AKT3: variants seen among roughly 807,000 people sequenced by gnomAD.
AKT3 encodes RAC-gamma serine/threonine-protein kinase.
AKT3 carries 15 observed loss-of-function variants against 65.3 expected under a neutral mutation model. The observed-to-expected ratio is 0.23, with a 90% CI of 0.15 to 0.35. The LOEUF (loss-of-function observed/expected upper bound fraction) is 0.35. Ranked by LOEUF, AKT3 falls within the 10% of genes least tolerant of loss-of-function variation. The pLI is 1.00. For synonymous variants in AKT3, 206 were observed against 183.8 expected, an observed-to-expected ratio of 1.12 and a Z score of -0.98; for missense variants, 243 against 576.5, an observed-to-expected ratio of 0.42 and a Z score of 5.92.
intron 8 of AKT3, among the ~76,000 whole-genome samples, chr1:243,582,139 A>G (rs1355533358): frequency 6.6e-6 from 1 of 152,104 alleles, no homozygotes; most frequent in Non-Finnish European, 1.5e-5. Flanking sequence ...CTGAGAGAGA[A>G]GAAGAAAAAG....
In AKT3 at chr1:243,692,816, TTG is replaced by T. The variant is rs574913399; in HGVS notation, c.172+2773_172+2774del. 8.5e-5 allele frequency among the ~76,000 whole-genome samples: 13 copies of T among 152,244 alleles called. 1 individual carries two copies. The South Asian group carries it at 2.7e-3, about 32-fold the overall frequency. On this transcript the variant is annotated intron_variant, in intron 3 of 13. Coordinates refer to ENST00000673466, the MANE Select transcript of AKT3 (RefSeq NM_005465.7). ...CACATAAAAGTTTTATTACTTAAATTTGTGTGTTTTTCTCTTGTTAATCTTCC... is the reference window on the plus strand; with the variant it reads ...CACATAAAAGTTTTATTACTTAAATTTGTGTTTTTCTCTTGTTAATCTTCC...
At chr1:243,546,643 A>G (rs748647480) in intron 11 of AKT3, 3 of 151,992 alleles carry the variant, frequency 2.0e-5, no homozygotes, top group Non-Finnish European at 2.9e-5. Context: ...AGATGCTCAG[A>G]GCAGAGCAGC....
At chr1:243,564,376 G>T (rs759832269) in intron 9 of AKT3, among the ~76,000 whole-genome samples, 1 of 151,962 alleles carries the variant, frequency 6.6e-6, no homozygotes, top group Non-Finnish European at 1.5e-5. Context: ...TTGTAATAAA[G>T]AAATACCAAC....
chr1:243,838,901 T>G (rs1695064311), intron 2 of AKT3, among the ~76,000 whole-genome samples: 1 of 152,156 alleles, frequency 6.6e-6, no homozygotes, highest in South Asian at 2.1e-4. Flanking sequence ...TGTTAGATAC[T>G]AATACAAAAA....
chr1:243,773,628 C>T (rs1690345909), intron 2 of AKT3, among the ~76,000 whole-genome samples: 1 of 151,702 alleles, frequency 6.6e-6, no homozygotes, highest in African/African-American at 2.4e-5. Flanking sequence ...CCATCGCCCC[C>T]CACAAAAAAA....
intron 8 of AKT3, among the ~76,000 whole-genome samples, chr1:243,608,980 C>T: frequency 6.6e-6 from 1 of 151,786 alleles, no homozygotes; most frequent in East Asian, 1.9e-4. Flanking sequence ...TCTCGAACTC[C>T]TGACCTCGTG....
At chr1:243,573,798 T>C (rs1189611334) in intron 8 of AKT3, among the ~76,000 whole-genome samples, 1 of 152,152 alleles carries the variant, frequency 6.6e-6, no homozygotes, top group African/African-American at 2.4e-5. Flanking sequence ...CATATACCAT[T>C]CGATAGTCAA....
At chr1:243,565,997 CA>C (rs1674129999) in intron 9 of AKT3, among the ~76,000 whole-genome samples, 1 of 152,076 alleles carries the variant, frequency 6.6e-6, no homozygotes, top group Non-Finnish European at 1.5e-5. Flanking sequence ...GTACTTTTTA[CA>C]CCATTCCATT....
At chr1:243,650,880 A>T (rs1437669726) in intron 4 of AKT3, among the ~76,000 whole-genome samples, 1 of 152,186 alleles carries the variant, frequency 6.6e-6, no homozygotes, top group Non-Finnish European at 1.5e-5. Flanking sequence ...TGTCTTGGCT[A>T]TGCGGGCTAT....
At position 243,728,686 on chromosome 1, in the gene AKT3, T is replaced by A. The variant is rs376365316; in HGVS notation, c.47-32970A>T. On this transcript the variant is annotated intron_variant, in intron 2 of 13. Transcript: ENST00000673466. The stretch of plus-strand genomic sequence containing the variant: ...CAAAGAATAACCACTTGAAAGAAAA[T>A]TTTCAAAAATCTAAAGACTTAATAA... 2.7e-3 allele frequency among the ~76,000 whole-genome samples: 407 copies of A among 152,140 alleles called. 1 individual carries two copies. Among genetic ancestry groups the A allele is most frequent in the African/African-American group, 9.1e-3 (378 of 41,488 alleles).
chr1:243,818,727 G>A (rs1251259834), intron 2 of AKT3, among the ~76,000 whole-genome samples: 1 of 151,820 alleles, frequency 6.6e-6, no homozygotes, highest in Non-Finnish European at 1.5e-5. Flanking sequence ...ACAATGACAG[G>A]CGCCAAGATG....
intron 2 of AKT3, among the ~76,000 whole-genome samples, chr1:243,744,205 G>A (rs924945275): frequency 9.9e-5 from 15 of 152,210 alleles, no homozygotes; most frequent in South Asian, 6.2e-4. Flanking sequence ...TGAAAAAGCC[G>A]CCATATGATT....
intron 2 of AKT3, among the ~76,000 whole-genome samples, chr1:243,772,250 G>A (rs913128260): frequency 2.6e-5 from 4 of 151,862 alleles, no homozygotes; most frequent in Admixed American, 6.6e-5. Flanking sequence ...GAGTGAACAG[G>A]CAACCTACAG....
rs1026364727 is a variant in AKT3 at position 243,720,035 on chromosome 1, G to A, written c.47-24319C>T. 3.9e-5 allele frequency among the ~76,000 whole-genome samples: 6 copies of A among 152,242 alleles called. No individual in the cohort carries two copies. In the South Asian group the frequency reaches 6.2e-4, roughly 16 times the overall value. On this transcript the variant is annotated intron_variant, in intron 2 of 13. Coordinates refer to ENST00000673466, the MANE Select transcript of AKT3 (RefSeq NM_005465.7). The stretch of plus-strand genomic sequence containing the variant: ...AACTGTATATCTAAAAATGGTGGCC[G>A]GGCGCGGTGCCTCACACCTGTAATC...
intron 3 of AKT3, among the ~76,000 whole-genome samples, 195 bp downstream of exon 3, chr1:243,695,396 A>G (rs935942176): frequency 3.9e-5 from 6 of 151,954 alleles, no homozygotes; most frequent in Admixed American, 3.9e-4. Flanking sequence ...ATTAAACTCT[A>G]TTGCATTGTA....
intron 2 of AKT3, among the ~76,000 whole-genome samples, chr1:243,761,965 T>C (rs1001617206): frequency 3.3e-5 from 5 of 152,070 alleles, no homozygotes; most frequent in African/African-American, 9.7e-5. Flanking sequence ...TCATAAGAAA[T>C]TGGGATGCTA....
At chr1:243,727,364 G>C (rs139699225) in intron 2 of AKT3, among the ~76,000 whole-genome samples, 204 of 152,210 alleles carry the variant, frequency 1.3e-3, no homozygotes, top group Middle Eastern at 0.01. Context: ...TACAATCTCA[G>C]CTCAACACAG....
At chr1:243,599,033 G>T (rs1676826153) in intron 8 of AKT3, among the ~76,000 whole-genome samples, 1 of 152,076 alleles carries the variant, frequency 6.6e-6, no homozygotes, top group African/African-American at 2.4e-5. Context: ...TTTTATCGTG[G>T]TGATGATTTC....
chr1:243,701,134 G>A (rs1054158420), intron 2 of AKT3, among the ~76,000 whole-genome samples: 4 of 152,268 alleles, frequency 2.6e-5, no homozygotes, highest in African/African-American at 7.2e-5. Context: ...AGTCGTAAGC[G>A]CCAAGGCAGA....
Sources: gnomAD v4.1 joint callset for allele counts (sites outside exome capture counted in the v4.1 genomes callset) on GRCh38, gnomAD v4.1.1 for gene constraint, MANE v1.5 for transcripts, NCBI Gene and HGNC (gene_info 2026-07-23, HGNC 2026-07-21) for gene names.